The following PPP1R9A variants were observed in gnomAD, a reference collection of about 807,000 sequenced individuals.
PPP1R9A encodes the protein neurabin-1.
PPP1R9A carries 59 observed loss-of-function variants against 141.9 expected under a neutral mutation model. That is an observed-to-expected ratio of 0.42 (90% CI 0.34 to 0.52). The LOEUF (loss-of-function observed/expected upper bound fraction) is 0.52, where lower values mean the gene tolerates loss of function less well. PPP1R9A is among the 20% of genes least tolerant of loss of function. The pLI, the probability that PPP1R9A is intolerant of heterozygous loss-of-function variation, is 0.10. For synonymous variants in PPP1R9A, 500 were observed against 569.7 expected (o/e 0.88, Z 1.74); for missense variants, 1,444 against 1,611.9 (o/e 0.90, Z 1.78).
intron 2 of PPP1R9A, among the ~76,000 whole-genome samples, chr7:95,091,903 C>T (rs931690223): frequency 4.8e-5 from 7 of 146,074 alleles, no homozygotes; most frequent in East Asian, 2.0e-4. Flanking sequence ...ACTTGTATTT[C>T]GTTGTCACTT....
chr7:94,972,247 T>A (rs75849808), intron 2 of PPP1R9A, among the ~76,000 whole-genome samples: 3,957 of 152,280 alleles, frequency 0.026, 166 homozygotes, highest in African/African-American at 0.09. Flanking sequence ...TATTAGGTAG[T>A]TTATCTAAGT....
chr7:94,967,827 C>T (rs1381559839), intron 2 of PPP1R9A, among the ~76,000 whole-genome samples: 1 of 152,036 alleles, frequency 6.6e-6, no homozygotes, highest in African/African-American at 2.4e-5. Flanking sequence ...GTTTTACTTC[C>T]AATTATGTGG....
chr7:95,183,649 A>T (rs1207985787), intron 5 of PPP1R9A, among the ~76,000 whole-genome samples: 2 of 151,336 alleles, frequency 1.3e-5, no homozygotes, highest in African/African-American at 4.9e-5. Flanking sequence ...GGGTTTCACC[A>T]TGTTGGCCAG....
chr7:94,988,370 C>T (rs1801103749), intron 2 of PPP1R9A, among the ~76,000 whole-genome samples: 1 of 152,016 alleles, frequency 6.6e-6, no homozygotes, highest in South Asian at 2.1e-4. Flanking sequence ...AAGAAGAGAC[C>T]TTTCCAATTT....
intron 2 of PPP1R9A, among the ~76,000 whole-genome samples, chr7:94,930,116 C>T (rs1187016104): frequency 6.6e-6 from 1 of 151,962 alleles, no homozygotes; most frequent in African/African-American, 2.4e-5. Flanking sequence ...GGCCTTAGAG[C>T]CAAGGCTGTG....
intron 2 of PPP1R9A, among the ~76,000 whole-genome samples, chr7:94,963,887 A>G (rs1045248606): frequency 1.3e-5 from 2 of 152,138 alleles, no homozygotes; most frequent in African/African-American, 2.4e-5. Context: ...TGGCATTGGC[A>G]TATCCCATTG....
chr7:95,014,859 TTCTTA>T (rs1265607312), intron 2 of PPP1R9A, among the ~76,000 whole-genome samples: 1 of 152,098 alleles, frequency 6.6e-6, no homozygotes, highest in Non-Finnish European at 1.5e-5. Flanking sequence ...AACTCATGGA[TTCTTA>T]TCTTAATCTA....
intron 4 of PPP1R9A, among the ~76,000 whole-genome samples, chr7:95,137,046 A>G (rs181697407): frequency 2.6e-5 from 4 of 152,240 alleles, no homozygotes; most frequent in African/African-American, 9.6e-5. Flanking sequence ...GAAAGGACTT[A>G]TGGGCAAAGT....
chr7:95,042,150 T>G (rs752345428), intron 2 of PPP1R9A, among the ~76,000 whole-genome samples: 1 of 152,124 alleles, frequency 6.6e-6, no homozygotes, highest in Non-Finnish European at 1.5e-5. Context: ...AGTCTACTTG[T>G]GCATGAAATA....
chr7:95,120,873 G>A (rs1400894984), intron 4 of PPP1R9A, 41 bp downstream of exon 4: 1 of 1,562,532 alleles, frequency 6.4e-7, no homozygotes, highest in African/African-American at 1.4e-5. Context: ...AATCTTTAGA[G>A]AACTTTCCTG....
At chr7:94,992,051 G>A (rs1801582178) in intron 2 of PPP1R9A, among the ~76,000 whole-genome samples, 1 of 152,130 alleles carries the variant, frequency 6.6e-6, no homozygotes, top group South Asian at 2.1e-4. Context: ...TATACTATTT[G>A]GTAAGTTTAA....
At chr7:95,122,738 C>A (rs1055530880) in intron 4 of PPP1R9A, among the ~76,000 whole-genome samples, 4 of 152,184 alleles carry the variant, frequency 2.6e-5, no homozygotes, top group African/African-American at 9.6e-5. Flanking sequence ...TATTAACAGT[C>A]TTCCTCCTTT....
At chr7:95,193,826 A>T (rs1835858557) in intron 5 of PPP1R9A, among the ~76,000 whole-genome samples, 1 of 152,098 alleles carries the variant, frequency 6.6e-6, no homozygotes, top group South Asian at 2.1e-4. Flanking sequence ...AATTTCTAAA[A>T]TCATTTTTCT....
intron 4 of PPP1R9A, among the ~76,000 whole-genome samples, chr7:95,136,663 T>A (rs1413332197): frequency 1.3e-5 from 2 of 152,194 alleles, no homozygotes; most frequent in Non-Finnish European, 2.9e-5. Flanking sequence ...CTTTTAAGTC[T>A]CATTAACAAG....
intron 6 of PPP1R9A, among the ~76,000 whole-genome samples, chr7:95,202,014 G>T (rs867747846): frequency 1.3e-5 from 2 of 152,154 alleles, no homozygotes; most frequent in South Asian, 4.1e-4. Flanking sequence ...TTGACAGAGG[G>T]TATTTGCTTG....
intron 8 of PPP1R9A, among the ~76,000 whole-genome samples, chr7:95,239,300 T>C (rs897732166): frequency 2.0e-5 from 3 of 152,210 alleles, no homozygotes; most frequent in African/African-American, 4.8e-5. Flanking sequence ...AAGTATACTT[T>C]GATGTTAATA....
chr7:95,131,093 A>G (rs942903826), intron 4 of PPP1R9A, among the ~76,000 whole-genome samples: 1 of 152,136 alleles, frequency 6.6e-6, no homozygotes, highest in Non-Finnish European at 1.5e-5. Context: ...GCAGAATGAT[A>G]TGGTTTGGCT....
intron 2 of PPP1R9A, among the ~76,000 whole-genome samples, chr7:95,062,980 A>G (rs577069471): frequency 1.1e-4 from 17 of 152,260 alleles, no homozygotes; most frequent in Non-Finnish European, 2.5e-4. Flanking sequence ...TTGGAAATTG[A>G]CTGGTCAAAT....
chr7:95,184,380 ATTTG>A (rs906509825), intron 5 of PPP1R9A, among the ~76,000 whole-genome samples: 5 of 152,160 alleles, frequency 3.3e-5, no homozygotes, highest in African/African-American at 1.2e-4. Context: ...TACAATAAAT[ATTTG>A]TTTGAATGAA....
Sources: gnomAD v4.1 joint callset for allele counts (sites outside exome capture counted in the v4.1 genomes callset) on GRCh38, gnomAD v4.1.1 for gene constraint, MANE v1.5 for transcripts, NCBI Gene and HGNC (gene_info 2026-07-23, HGNC 2026-07-21) for gene names.